IGSF9B: variants seen among roughly 807,000 people sequenced by gnomAD.
IGSF9B encodes the protein immunoglobulin superfamily member 9B.
Under a neutral mutation model 143.7 loss-of-function variants are expected in IGSF9B, and 48 were observed. The observed-to-expected ratio is 0.33, with a 90% CI of 0.26 to 0.42. The LOEUF (loss-of-function observed/expected upper bound fraction) is 0.42, where lower values mean the gene tolerates loss of function less well. IGSF9B is among the 20% of genes least tolerant of loss of function. IGSF9B has a pLI of 1.00. For missense variants in IGSF9B, 1,706 were observed against 1,980.0 expected, an observed-to-expected ratio of 0.86 and a Z score of 2.63; for synonymous variants, 903 against 833.1, an observed-to-expected ratio of 1.08 and a Z score of -1.44.
At chr11:133,952,667 CACACATATGCAAT>C (rs1198572133) in intron 1 of IGSF9B, among the ~76,000 whole-genome samples, 1 of 152,164 alleles carries the variant, frequency 6.6e-6, no homozygotes, top group Non-Finnish European at 1.5e-5. Context: ...TACAGGTGTG[CACACATATGCAAT>C]GCACATACAT....
intron 18 of IGSF9B, among the ~76,000 whole-genome samples, chr11:133,914,865 CCT>C (rs1939353295): frequency 6.6e-6 from 1 of 152,154 alleles, no homozygotes; most frequent in Non-Finnish European, 1.5e-5. Context: ...GAATTGCCTC[CCT>C]GTTTTAGGAA....
At chr11:133,922,154 C>A (rs750628650) in intron 17 of IGSF9B, 23 bp downstream of exon 17, 2 of 1,608,654 alleles carry the variant, frequency 1.2e-6, no homozygotes, top group South Asian at 2.2e-5. Context: ...CAGCACAATT[C>A]TCCCAGGATC....
intron 18 of IGSF9B, among the ~76,000 whole-genome samples, chr11:133,917,447 G>A (rs1030163582): frequency 2.0e-5 from 3 of 151,920 alleles, no homozygotes; most frequent in Non-Finnish European, 2.9e-5. Context: ...GTCTGCCCAG[G>A]GGAAGCCTGC....
chr11:133,921,494 T>A, intron 17 of IGSF9B, 97 bp from the exon 18 acceptor site: 1 of 926,950 alleles, frequency 1.1e-6, no homozygotes, highest in Non-Finnish European at 1.5e-6. Context: ...GCACCCAGGA[T>A]CCTCACGCTC....
At chr11:133,923,204 A>G (rs1421992066) in intron 15 of IGSF9B, among the ~76,000 whole-genome samples, 3 of 152,220 alleles carry the variant, frequency 2.0e-5, no homozygotes, top group African/African-American at 7.2e-5. Flanking sequence ...GCCTGCTCCC[A>G]GTCTGGGATT....
chr11:133,919,329 A>G (rs905560409), intron 18 of IGSF9B, among the ~76,000 whole-genome samples: 3 of 152,026 alleles, frequency 2.0e-5, no homozygotes, highest in African/African-American at 7.2e-5. Context: ...GCCGGGGAAG[A>G]AAAGGAGGCT....
chr11:133,932,155 G>T lies in IGSF9B; in HGVS notation c.1026C>A (p.Gly342=), dbSNP rs558049619. The T allele has an allele frequency of 2.3e-5, 37 of 1,610,708 alleles. 1 individual carries two copies. The South Asian group carries it at 4.0e-4, about 17-fold the overall frequency. ...PVIYVPVGIH[G]YIRCPVDAEP... Reference sequence around the variant, plus strand: ...CTGCGTCCACAGGGCAGCGGATGTAGCCATGGATCCCCACGGGCACGTAAA... The same window carrying T: ...CTGCGTCCACAGGGCAGCGGATGTATCCATGGATCCCCACGGGCACGTAAA... Residue 342 remains glycine, a synonymous_variant, in exon 8 of 20, where the codon GGC becomes GGA. Transcript: ENST00000533871.
At chr11:133,919,129 T>TGGGTGGGGGGGGGGG in intron 18 of IGSF9B, 1 of 174,382 alleles carries the variant, frequency 5.7e-6, no homozygotes, top group Non-Finnish European at 1.1e-5. Flanking sequence ...GGGGGGGGGG[T>TGGGTGGGGGGGGGGG]GGGGGACGTG....
chr11:133,898,213 G>C lies in IGSF9B; in HGVS notation c.*10856C>G, dbSNP rs1325149471. The C allele has an allele frequency of 6.6e-6, 1 of 152,220 alleles. No homozygotes were observed. Among genetic ancestry groups the C allele is most frequent in the Non-Finnish European group, 1.5e-5 (1 of 68,054 alleles). 9.4% of individuals were successfully genotyped at this position (152,220 alleles called of 1,614,324 possible). A position where few individuals can be genotyped will look rare whatever the true frequency, so the allele number is the denominator to read the frequency against. ...CCCCAAAGAAAGTGGAAGAAAGAAA[G>C]AGTTCGAAATGAGAGCAAGAAATCT... On this transcript the variant is annotated 3_prime_UTR_variant, in exon 20 of 20. Coordinates refer to ENST00000533871, the MANE Select transcript of IGSF9B (RefSeq NM_001277285.4).
At position 133,930,986 on chromosome 11, in the gene IGSF9B, A is replaced by G. The variant is rs1257439398; in HGVS notation, c.1517T>C (p.Ile506Thr). 2 of 1,610,086 alleles carry G rather than the reference A, an allele frequency of 1.2e-6. No homozygotes were observed. The highest frequency in any genetic ancestry group is 1.7e-6 in the Non-Finnish European group (2 of 1,177,928). The change falls in exon 11 of 20, where the codon ATC (isoleucine) becomes ACC (threonine). Residue 506 changes from isoleucine (I) to threonine (T), a missense_variant and splice_region_variant. Coordinates refer to ENST00000533871, the MANE Select transcript of IGSF9B (RefSeq NM_001277285.4). ...GCCCAGCCTTGCCGGCCACGTACCG[A>G]TGACGGTGAGGTGGGTGCTGGCAGT... ...SITASTHLTV[I>T]GTSPHAPGSV... is the part of the protein sequence containing the mutation.
In IGSF9B at chr11:133,931,204, TG is replaced by T; in HGVS notation, c.1369-71del. The T allele has an allele frequency of 6.7e-7, 1 of 1,500,308 alleles. No individual in the cohort carries two copies. The allele number at this position is 1,500,308 out of a possible 1,614,324, so 92.9% of individuals were successfully genotyped here. A position where few individuals can be genotyped will look rare whatever the true frequency, so the allele number is the denominator to read the frequency against. ...GGTTAGGAGAGAAGCCCGAAGCAGA[TG>T]GGGAGGACGCGCCTGAGACCCCGGC... On this transcript the variant is annotated intron_variant, in intron 10 of 19. Coordinates refer to ENST00000533871, the MANE Select transcript of IGSF9B (RefSeq NM_001277285.4). The surrounding 1 kb of genome is among the most constrained non-coding windows in gnomAD (Gnocchi z 7.7).
chr11:133,952,051 C>T (rs1468412663), intron 1 of IGSF9B: 1 of 455,640 alleles, frequency 2.2e-6, no homozygotes, highest in East Asian at 6.9e-5. Flanking sequence ...GCGGGACCTT[C>T]TCAGAAAGGA....
chr11:133,946,917 C>T (rs1014024267), intron 1 of IGSF9B, among the ~76,000 whole-genome samples: 5 of 152,218 alleles, frequency 3.3e-5, no homozygotes, highest in Non-Finnish European at 7.3e-5. Flanking sequence ...TCTCCAGCCC[C>T]TCCTCCCAGC....
rs115902430 is a variant in IGSF9B, at chr11:133,920,017, C to T, written c.3708G>A (p.Glu1236=). Residue 1236 remains glutamate, a synonymous_variant, in exon 18 of 20, where the codon GAG becomes GAA. Coordinates refer to ENST00000533871, the MANE Select transcript of IGSF9B (RefSeq NM_001277285.4). ...CTGCAGCCGGCGGCTGCAGGGTGAT[C>T]TCTGACATCTCTGCCTGCTGCAGGA... The part of the protein sequence containing the change: ...PGLLQQAEMS[E]ITLQPPAAVS... 7.1e-4 allele frequency: 1,131 copies of T among 1,583,448 alleles called. 2 individuals are homozygous for T. The African/African-American group carries it at 0.011, about 15-fold the overall frequency.
Position 133,921,307 on chromosome 11 carries a change from C to T in IGSF9B, c.2418G>A (p.Lys806=). 2 of 1,607,900 alleles carry T rather than the reference C, an allele frequency of 1.2e-6. No individual in the cohort carries two copies. The highest frequency in any genetic ancestry group is 1.7e-6 in the Non-Finnish European group (2 of 1,176,778). The change falls in exon 18 of 20, where the codon AAG becomes AAA. Residue 806 remains lysine, a synonymous_variant. Transcript: ENST00000533871. ...SSDDQGQPAA[K]RMLSPTREKE... is the part of the protein sequence containing the mutation. The stretch of plus-strand genomic sequence containing the variant: ...TCTCACGGGTGGGGCTCAGCATCCT[C>T]TTGGCCGCGGGCTGGCCCTGGTCGT...
Position 133,897,089 on chromosome 11 carries a change from A to G in IGSF9B, c.*11980T>C, listed in dbSNP as rs563901270. The G allele has an allele frequency of 2.0e-5, 3 of 152,302 alleles. No homozygotes were observed. The highest frequency in any genetic ancestry group is 3.9e-4 in the East Asian group (2 of 5,168). The allele number at this position is 152,302 out of a possible 1,614,324, so 9.4% of individuals were successfully genotyped here. The stretch of plus-strand genomic sequence containing the variant: ...ATTTGGTGGCTGGGGGTGCCTGCCC[A>G]TTGGAAGGGCCCCTTATAAATGCTT... On this transcript the variant is annotated 3_prime_UTR_variant, in exon 20 of 20. Transcript: ENST00000533871.
At chr11:133,927,751 A>T (rs1612416) in intron 12 of IGSF9B, among the ~76,000 whole-genome samples, 1 of 151,972 alleles carries the variant, frequency 6.6e-6, no homozygotes, top group Non-Finnish European at 1.5e-5. Context: ...GCAAAGCCGG[A>T]GGGCTATGGG....
intron 19 of IGSF9B, among the ~76,000 whole-genome samples, chr11:133,910,917 A>C (rs1939293008): frequency 6.6e-6 from 1 of 152,180 alleles, no homozygotes; most frequent in Non-Finnish European, 1.5e-5. Flanking sequence ...CCAAGCCCTA[A>C]AAACATCATT....
Position 133,929,687 on chromosome 11 carries a change from G to T in IGSF9B, c.1615C>A (p.Gln539Lys). The T allele has an allele frequency of 1.2e-6, 2 of 1,612,324 alleles. No individual in the cohort carries two copies. The highest frequency in any genetic ancestry group is 1.7e-6 in the Non-Finnish European group (2 of 1,178,334). The change falls in exon 12 of 20, where the codon CAG (glutamine) becomes AAG (lysine). Residue 539 changes from glutamine (Q) to lysine (K), a missense_variant. Around this residue, in one of 7 missense-constraint regions of IGSF9B, gnomAD observed 267 missense variants for 321.1 expected, o/e 0.83. Transcript: ENST00000533871. ...WEPGYDGGYE[Q>K]TFSVWMKRAQ... ...GGTCCGTACCAAACTGAGAATGTCTGCTCGTAGCCTCCATCATAGCCTGGT... is the reference window on the plus strand; with the variant it reads ...GGTCCGTACCAAACTGAGAATGTCTTCTCGTAGCCTCCATCATAGCCTGGT...
Sources: gnomAD v4.1 joint callset for allele counts (sites outside exome capture counted in the v4.1 genomes callset) on GRCh38, gnomAD v4.1.1 for gene constraint, gnomAD v4.1.1 regional missense constraint, Gnocchi (gnomAD v3.1) non-coding constraint, MANE v1.5 for transcripts, NCBI Gene and HGNC (gene_info 2026-07-23, HGNC 2026-07-21) for gene names.